Variants in VIT observed in about 807,000 individuals in gnomAD.
VIT encodes vitrin.
Under a neutral mutation model 78.0 loss-of-function variants are expected in VIT, and 99 were observed. The ratio of observed to expected loss-of-function variants is 1.27; its 90% CI spans 1.08 to 1.50. The LOEUF is 1.50. VIT is among the 40% of genes most tolerant of loss of function. The pLI is 0.00. For synonymous variants in VIT, 374 were observed against 334.3 expected (o/e 1.12, Z -1.29); for missense variants, 1,126 against 875.3 (o/e 1.29, Z -3.61).
Position 36,729,454 on chromosome 2 carries a change from C to G in VIT, c.81C>G (p.Asn27Lys). ...LVLLVTGVHS[N>K]KETAKKIKRP... ...TGCTGGTGACTGGAGTACATTCAAACAAAGAAACGGCAAAGAAGATTAAAA... is the reference window on the plus strand; with the variant it reads ...TGCTGGTGACTGGAGTACATTCAAAGAAAGAAACGGCAAAGAAGATTAAAA... Residue 27 changes from asparagine (N) to lysine (K), a missense_variant, in exon 3 of 16, where the codon AAC becomes AAG. Physicochemically the swap from Asn to Lys is moderately conservative, Grantham distance 94. Transcript: ENST00000379242. The G allele has an allele frequency of 6.2e-7, 1 of 1,608,790 alleles. No homozygotes were observed. Among genetic ancestry groups the G allele is most frequent in the Non-Finnish European group, 8.5e-7 (1 of 1,177,804 alleles).
intron 5 of VIT, among the ~76,000 whole-genome samples, chr2:36,758,409 T>G (rs1275270349): frequency 6.6e-6 from 1 of 152,228 alleles, no homozygotes. Flanking sequence ...TGCTTATTTT[T>G]TTCCCTAATA....
chr2:36,723,279 A>AT (rs572879269), intron 2 of VIT, among the ~76,000 whole-genome samples: 88 of 152,162 alleles, frequency 5.8e-4, no homozygotes, highest in Middle Eastern at 3.4e-3. Flanking sequence ...TCTAATGAGC[A>AT]TTTTTTTACA....
chr2:36,713,791 A>G (rs1002213076), intron 1 of VIT, among the ~76,000 whole-genome samples: 1 of 152,256 alleles, frequency 6.6e-6, no homozygotes, highest in South Asian at 2.1e-4. Flanking sequence ...TGAAATCTGC[A>G]GTGTTGAGTG....
chr2:36,706,339 G>A (rs1165842012), intron 1 of VIT, among the ~76,000 whole-genome samples: 1 of 152,264 alleles, frequency 6.6e-6, no homozygotes, highest in Non-Finnish European at 1.5e-5. Flanking sequence ...ATATGAGAAG[G>A]GTTTTAATTA....
intron 6 of VIT, among the ~76,000 whole-genome samples, chr2:36,761,632 C>T (rs1409140729): frequency 2.0e-5 from 3 of 151,850 alleles, no homozygotes; most frequent in East Asian, 1.9e-4. Flanking sequence ...CCCAGCTACT[C>T]GGGAGGCTGA....
chr2:36,790,688 A>C (rs1334803728), intron 12 of VIT, among the ~76,000 whole-genome samples: 1 of 152,194 alleles, frequency 6.6e-6, no homozygotes. Flanking sequence ...AATCCCTAAA[A>C]TGTCAAACAA....
At chr2:36,759,773 G>T (rs949559766) in intron 6 of VIT, 4 of 661,116 alleles carry the variant, frequency 6.1e-6, no homozygotes, top group Non-Finnish European at 7.5e-6. Flanking sequence ...AGGTGAACAC[G>T]GTTTAAGAAT....
intron 1 of VIT, among the ~76,000 whole-genome samples, chr2:36,708,813 G>A (rs1237246074): frequency 6.6e-6 from 1 of 152,136 alleles, no homozygotes; most frequent in Non-Finnish European, 1.5e-5. Context: ...AGCAGCAGAG[G>A]TTCCCAATGC....
At chr2:36,807,263 C>G (rs1458663708) in intron 14 of VIT, among the ~76,000 whole-genome samples, 1 of 152,206 alleles carries the variant, frequency 6.6e-6, no homozygotes, top group East Asian at 1.9e-4. Flanking sequence ...TCCTTCATTG[C>G]TACCCATTGC....
chr2:36,752,103 A>G (rs1668498188), intron 4 of VIT, among the ~76,000 whole-genome samples: 1 of 152,220 alleles, frequency 6.6e-6, no homozygotes. Flanking sequence ...TTCATATTCT[A>G]TATCATGATC....
At chr2:36,710,841 A>G (rs1214539355) in intron 1 of VIT, among the ~76,000 whole-genome samples, 1 of 152,208 alleles carries the variant, frequency 6.6e-6, no homozygotes, top group Non-Finnish European at 1.5e-5. Context: ...GTTTGGAGCT[A>G]TGGGAAACAA....
intron 4 of VIT, among the ~76,000 whole-genome samples, chr2:36,752,051 T>C (rs950211639): frequency 4.6e-5 from 7 of 152,216 alleles, no homozygotes; most frequent in African/African-American, 1.7e-4. Flanking sequence ...CAGTATACTT[T>C]GGTTTAGAAA....
rs146743386 is a variant in VIT at position 36,722,492 on chromosome 2, C to A, written c.52+6070C>A. Among the ~76,000 whole-genome samples the A allele has an allele frequency of 4.9e-3, 749 of 152,278 alleles. 6 individuals are homozygous for A. Among genetic ancestry groups the A allele is most frequent in the African/African-American group, 0.017 (690 of 41,546 alleles). The stretch of plus-strand genomic sequence containing the variant: ...GCTGTCATGGCTTTGCTATGAAGTT[C>A]TGATTTATTTGATGCTAAATGTTTC... On this transcript the variant is annotated intron_variant, in intron 2 of 15. Coordinates refer to ENST00000379242, the MANE Select transcript of VIT (RefSeq NM_053276.4).
intron 2 of VIT, among the ~76,000 whole-genome samples, chr2:36,721,571 G>A (rs1023133485): frequency 4.6e-5 from 7 of 152,144 alleles, no homozygotes; most frequent in African/African-American, 1.7e-4. Flanking sequence ...TGCAAACTCA[G>A]TGTTTTCCCT....
chr2:36,808,372 G>A (rs1027239900), intron 14 of VIT, 100 bp from the exon 15 acceptor site: 1 of 1,441,702 alleles, frequency 6.9e-7, no homozygotes, highest in Non-Finnish European at 9.2e-7. Context: ...GAAAACAAGG[G>A]CCTGCTTGCT....
intron 12 of VIT, among the ~76,000 whole-genome samples, chr2:36,790,694 A>G (rs1488960534): frequency 1.3e-5 from 2 of 152,208 alleles, no homozygotes; most frequent in Admixed American, 1.3e-4. Flanking sequence ...TAAAATGTCA[A>G]ACAAAATTGT....
chr2:36,709,990 C>T (rs1665700736), intron 1 of VIT, among the ~76,000 whole-genome samples: 1 of 152,114 alleles, frequency 6.6e-6, no homozygotes. Context: ...AAAGAGTGAC[C>T]TGGAGCAATG....
chr2:36,754,723 T>C lies in VIT; in HGVS notation c.276-198T>C, dbSNP rs1024153883. On this transcript the variant is annotated intron_variant, in intron 4 of 15. Transcript: ENST00000379242. Reference sequence around the variant, plus strand: ...TCCTATAAGAAGAAAGAGAAGGACATTGACCCTGGGAGCTCAGATGCTGGG... The same window carrying C: ...TCCTATAAGAAGAAAGAGAAGGACACTGACCCTGGGAGCTCAGATGCTGGG... 4.6e-5 allele frequency among the ~76,000 whole-genome samples: 7 copies of C among 152,268 alleles called. No individual in the cohort carries two copies. The East Asian group carries it at 1.2e-3, about 25-fold the overall frequency.
Position 36,814,392 on chromosome 2 carries a change from T to C in VIT, c.*31T>C, listed in dbSNP as rs1667417907. On this transcript the variant is annotated 3_prime_UTR_variant, in exon 16 of 16. Coordinates refer to ENST00000379242, the MANE Select transcript of VIT (RefSeq NM_053276.4). ...GAGCAGGCAGAGCACCAGCAAGTGC[T>C]GCTTTACTAACTGACGTGTTGGACC... 4.3e-6 allele frequency: 7 copies of C among 1,610,910 alleles called. No homozygotes were observed. The highest frequency in any genetic ancestry group is 5.9e-6 in the Non-Finnish European group (7 of 1,178,206).
Sources: allele counts gnomAD v4.1 joint callset (sites outside exome capture counted in the v4.1 genomes callset), GRCh38; gene constraint gnomAD v4.1.1; transcripts MANE v1.5; gene names NCBI Gene and HGNC (gene_info 2026-07-23, HGNC 2026-07-21).